The following CFAP45 variants were observed in gnomAD, a reference collection of about 807,000 sequenced individuals.
The protein encoded by CFAP45 is cilia- and flagella-associated protein 45.
In CFAP45, 43 loss-of-function variants were observed where a neutral mutation model predicts 75.6. The ratio of observed to expected loss-of-function variants is 0.57; its 90% CI spans 0.45 to 0.73. The LOEUF (loss-of-function observed/expected upper bound fraction) is 0.73. CFAP45 is among the 30% of genes least tolerant of loss of function. The pLI, the probability that CFAP45 is intolerant of heterozygous loss-of-function variation, is 0.00. For synonymous variants in CFAP45, 223 were observed against 244.6 expected, an observed-to-expected ratio of 0.91 and a Z score of 0.82; for missense variants, 689 against 701.5, an observed-to-expected ratio of 0.98 and a Z score of 0.20.
chr1:159,879,604 CTA>C lies in CFAP45; in HGVS notation c.1044+948_1044+949del, dbSNP rs558833883. On this transcript the variant is annotated intron_variant, in intron 8 of 11. Coordinates refer to ENST00000368099, the MANE Select transcript of CFAP45 (RefSeq NM_012337.3). ...ATGTCCCCAAACCTGCATTCTCACT[CTA>C]TTGCTTGCATAGAGTGTCCCCAGCA... Among the ~76,000 whole-genome samples, 260 of 152,342 alleles carry C rather than the reference CTA, an allele frequency of 1.7e-3. 4 individuals are homozygous for C. Among genetic ancestry groups the C allele is most frequent in the Admixed American group, 0.012 (190 of 15,304 alleles).
intron 11 of CFAP45, among the ~76,000 whole-genome samples, 177 bp from the exon 12 acceptor site, chr1:159,872,740 C>A (rs1001286825): frequency 3.3e-5 from 5 of 152,200 alleles, no homozygotes; most frequent in Non-Finnish European, 5.9e-5. Context: ...TGCCAAGGAG[C>A]TCCCAGAGAG....
intron 1 of CFAP45, chr1:159,898,090 T>C (rs757914685): frequency 8.0e-5 from 79 of 984,916 alleles, no homozygotes; most frequent in Middle Eastern, 5.2e-4. Flanking sequence ...AGTTCTTCTT[T>C]TGCACAGTCT....
intron 1 of CFAP45, among the ~76,000 whole-genome samples, chr1:159,893,824 G>A (rs982889628): frequency 9.9e-5 from 15 of 151,594 alleles, no homozygotes; most frequent in Non-Finnish European, 1.5e-4. Context: ...ATTTGATAGC[G>A]CAATAGAATG....
intron 11 of CFAP45, 37 bp from the exon 12 acceptor site, chr1:159,872,600 T>C (rs776762687): frequency 4.1e-5 from 64 of 1,577,696 alleles, no homozygotes; most frequent in Non-Finnish European, 5.1e-5. Context: ...AGGAAAGGTA[T>C]TGGACCAGAC....
intron 3 of CFAP45, among the ~76,000 whole-genome samples, 171 bp from the exon 4 acceptor site, chr1:159,888,667 G>A (rs1649753461): frequency 6.6e-6 from 1 of 152,176 alleles, no homozygotes; most frequent in Admixed American, 6.5e-5. Context: ...TTCCAAGTGG[G>A]GGGTCAGGTA....
Position 159,876,593 on chromosome 1 carries a change from C to T in CFAP45, c.1315G>A (p.Val439Met). 3.1e-6 allele frequency: 5 copies of T among 1,614,208 alleles called. No individual in the cohort carries two copies. The highest frequency in any genetic ancestry group is 3.4e-6 in the Non-Finnish European group (4 of 1,180,018). Reference protein sequence around the residue: ...AFKEHALAVQVQRDRDEFERI... With the variant: ...AFKEHALAVQMQRDRDEFERI... ...TCGAACTCATCCCGGTCCCGTTGCA[C>T]CTGAACAGCCAGAGCGTGCTCCTTG... Residue 439 changes from valine (V) to methionine (M), a missense_variant, in exon 10 of 12, where the codon GTG (valine) becomes ATG (methionine). Physicochemically the swap from Val to Met is conservative, Grantham distance 21 (BLOSUM62 1). Transcript: ENST00000368099.
At chr1:159,875,277 G>A (rs950483911) in intron 10 of CFAP45, among the ~76,000 whole-genome samples, 1 of 152,230 alleles carries the variant, frequency 6.6e-6, no homozygotes, top group African/African-American at 2.4e-5. Flanking sequence ...AGAGGCCAGG[G>A]AGGAGAGAGG....
intron 1 of CFAP45, among the ~76,000 whole-genome samples, chr1:159,895,130 T>C (rs1287097990): frequency 1.3e-5 from 2 of 152,184 alleles, no homozygotes; most frequent in African/African-American, 4.8e-5. Flanking sequence ...ACAACCTCCA[T>C]TCCCAAAGGA....
chr1:159,893,374 T>G, intron 1 of CFAP45, 69 bp from the exon 2 acceptor site: 1 of 1,499,820 alleles, frequency 6.7e-7, no homozygotes, highest in Non-Finnish European at 9.2e-7. Flanking sequence ...AAGTCAACAA[T>G]TCACCAGCCC....
chr1:159,883,825 C>T (rs913805106), intron 7 of CFAP45, among the ~76,000 whole-genome samples: 1 of 151,954 alleles, frequency 6.6e-6, no homozygotes, highest in Non-Finnish European at 1.5e-5. Flanking sequence ...CTGCCATGTC[C>T]CTCACTGTGC....
At position 159,897,508 on chromosome 1, in the gene CFAP45, G is replaced by A. The variant is rs563901532; in HGVS notation, c.3+2588C>T. 2.3e-3 allele frequency among the ~76,000 whole-genome samples: 357 copies of A among 152,198 alleles called. 1 individual carries two copies. Among genetic ancestry groups the A allele is most frequent in the Non-Finnish European group, 3.8e-3 (261 of 68,006 alleles). On this transcript the variant is annotated intron_variant, in intron 1 of 11. Transcript: ENST00000368099. ...TGAGGCAGGAGAATCGCTTGAACCT[G>A]GGAGGTGGAGGTTGCAGTGAGCTGA...
At chr1:159,877,300 T>C in intron 9 of CFAP45, 49 bp downstream of exon 9, 1 of 1,288,186 alleles carries the variant, frequency 7.8e-7, no homozygotes, top group South Asian at 1.2e-5. Flanking sequence ...AAGGGATGGA[T>C]AGGCAAGGGA....
intron 6 of CFAP45, among the ~76,000 whole-genome samples, chr1:159,885,832 CTA>C (rs962376647): frequency 6.6e-6 from 1 of 151,538 alleles, no homozygotes; most frequent in African/African-American, 2.4e-5. Context: ...GACAGCAAAG[CTA>C]TATATAAAGG....
chr1:159,887,782 G>A (rs1415800794), intron 5 of CFAP45, 59 bp downstream of exon 5: 2 of 1,470,742 alleles, frequency 1.4e-6, no homozygotes, highest in African/African-American at 1.4e-5. Flanking sequence ...GCGGGAATAA[G>A]GGGAGGGCGG....
chr1:159,878,318 A>C (rs1232063020), intron 8 of CFAP45, among the ~76,000 whole-genome samples: 1 of 152,250 alleles, frequency 6.6e-6, no homozygotes, highest in African/African-American at 2.4e-5. Context: ...TACTTAAAGA[A>C]TGAACCACCA....
intron 1 of CFAP45, among the ~76,000 whole-genome samples, chr1:159,899,109 C>A (rs1650013623): frequency 6.6e-6 from 1 of 152,122 alleles, no homozygotes; most frequent in Non-Finnish European, 1.5e-5. Flanking sequence ...CCCTCTGGGA[C>A]CAACACACTC....
intron 1 of CFAP45, among the ~76,000 whole-genome samples, chr1:159,894,149 G>T (rs576056609): frequency 5.9e-5 from 9 of 152,236 alleles, no homozygotes; most frequent in African/African-American, 2.2e-4. Context: ...TTTTTGTGGG[G>T]TTTTTTTAAG....
chr1:159,887,528 C>CA (rs1420693421), intron 5 of CFAP45, among the ~76,000 whole-genome samples: 3 of 152,248 alleles, frequency 2.0e-5, no homozygotes, highest in African/African-American at 7.2e-5. Context: ...CCTCAGCCCA[C>CA]AAAGCCTCTC....
rs760769998 is a variant in CFAP45, at chr1:159,890,502, G to T, written c.250C>A (p.Arg84=). The T allele has an allele frequency of 3.1e-6, 5 of 1,614,004 alleles. No homozygotes were observed. The highest frequency in any genetic ancestry group is 4.2e-6 in the Non-Finnish European group (5 of 1,179,984). The change falls in exon 3 of 12, where the codon CGG becomes AGG. Residue 84 remains arginine, a synonymous_variant. Coordinates refer to ENST00000368099, the MANE Select transcript of CFAP45 (RefSeq NM_012337.3). ...RKPETIQLIT[R]DMVRELIVPT... ...CACATGAGTTCTCGGACCATGTCCC[G>T]GGTGATGAGCTGGATGGTCTCTGGC...
Sources: gnomAD v4.1 joint callset for allele counts (sites outside exome capture counted in the v4.1 genomes callset) on GRCh38, gnomAD v4.1.1 for gene constraint, MANE v1.5 for transcripts, NCBI Gene and HGNC (gene_info 2026-07-23, HGNC 2026-07-21) for gene names.